DOK7: variants seen among roughly 807,000 people sequenced by gnomAD.
DOK7 encodes the protein docking protein 7.
DOK7 carries 32 observed loss-of-function variants against 30.7 expected under a neutral mutation model. The observed-to-expected ratio is 1.04, with a 90% CI of 0.79 to 1.40. The LOEUF (loss-of-function observed/expected upper bound fraction) is 1.40. DOK7 is among the 40% of genes most tolerant of loss of function. DOK7 has a pLI of 0.00. For synonymous variants in DOK7, 447 were observed against 324.1 expected, an observed-to-expected ratio of 1.38 and a Z score of -4.07; for missense variants, 1,007 against 699.2, an observed-to-expected ratio of 1.44 and a Z score of -4.97.
intron 6 of DOK7, among the ~76,000 whole-genome samples, chr4:3,499,913 G>A (rs983380558): frequency 2.6e-5 from 4 of 152,112 alleles, no homozygotes; most frequent in African/African-American, 9.6e-5. Context: ...TTGGGAAGGT[G>A]CGGGGCGAGG....
At chr4:3,491,272 TTCATTCCTTCCTCCGCCCCCCCGC>T (rs2109406371) in intron 6 of DOK7, among the ~76,000 whole-genome samples, 2 of 101,128 alleles carry the variant, frequency 2.0e-5, no homozygotes, top group South Asian at 7.8e-4. Flanking sequence ...CATTCCTTCA[TTCATTCCTTCCTCCGCCCCCCCGC>T]TCATTCATTC....
rs373003191 is a variant in DOK7 at position 3,489,868 on chromosome 4, A to G, written c.772+72A>G. ...CAGCAGGAGAGCTCAGGAGGCATCCATGCATGTGTGGGGGCTGCAGGCTCC... is the reference window on the plus strand; with the variant it reads ...CAGCAGGAGAGCTCAGGAGGCATCCGTGCATGTGTGGGGGCTGCAGGCTCC... On this transcript the variant is annotated intron_variant, in intron 6 of 6. Transcript: ENST00000340083. The G allele has an allele frequency of 1.1e-5, 17 of 1,533,870 alleles. No individual in the cohort carries two copies. The African/African-American group carries it at 2.1e-4, about 19-fold the overall frequency.
chr4:3,490,621 C>T (rs1174868835), intron 6 of DOK7, among the ~76,000 whole-genome samples: 3 of 103,686 alleles, frequency 2.9e-5, no homozygotes, highest in Admixed American at 9.4e-5. Context: ...CTCGTTCATT[C>T]CTTCCCTCTC....
intron 2 of DOK7, among the ~76,000 whole-genome samples, chr4:3,467,621 C>T (rs56298023): frequency 0.043 from 6,611 of 152,072 alleles, 217 homozygotes; most frequent in Non-Finnish European, 0.069. Flanking sequence ...AGCGTGTGCA[C>T]GTGTGAGCAA....
chr4:3,485,595 G>C lies in DOK7; in HGVS notation c.589G>C (p.Asp197His). ...AEGEQISFLFDCIVRGISPTK... is the reference protein window; with the variant it reads ...AEGEQISFLFHCIVRGISPTK... ...GGGGGAGCAGATCAGCTTCCTGTTCGACTGCATCGTCCGAGGCATCTCCCC... is the reference window on the plus strand; with the variant it reads ...GGGGGAGCAGATCAGCTTCCTGTTCCACTGCATCGTCCGAGGCATCTCCCC... The change falls in exon 5 of 7, where the codon GAC becomes CAC. Residue 197 changes from aspartate to histidine, a missense_variant. Transcript: ENST00000340083. 1 of 1,607,974 alleles carries C rather than the reference G, an allele frequency of 6.2e-7. No individual in the cohort carries two copies. Among genetic ancestry groups the C allele is most frequent in the Non-Finnish European group, 8.5e-7 (1 of 1,177,006 alleles).
chr4:3,481,377 C>A (rs1727433863), intron 4 of DOK7, among the ~76,000 whole-genome samples: 1 of 151,896 alleles, frequency 6.6e-6, no homozygotes. Context: ...GGATGGGAAC[C>A]CTGTGGATTG....
intron 4 of DOK7, among the ~76,000 whole-genome samples, chr4:3,482,774 C>T (rs1229123355): frequency 6.6e-6 from 1 of 152,228 alleles, no homozygotes; most frequent in Non-Finnish European, 1.5e-5. Flanking sequence ...CAGCCTCTCA[C>T]CTATGTCTTT....
At chr4:3,482,060 T>G (rs895404550) in intron 4 of DOK7, among the ~76,000 whole-genome samples, 1 of 152,082 alleles carries the variant, frequency 6.6e-6, no homozygotes, top group Non-Finnish European at 1.5e-5. Flanking sequence ...CTCTTTCCTC[T>G]TACCCTCACG....
chr4:3,486,006 A>G (rs1469099165), intron 5 of DOK7, among the ~76,000 whole-genome samples: 1 of 151,942 alleles, frequency 6.6e-6, no homozygotes, highest in East Asian at 1.9e-4. Flanking sequence ...TTCCACGCCC[A>G]GGAGCAGGGA....
At position 3,490,606 on chromosome 4, in the gene DOK7, C is replaced by CCCTGCTCGTTCATTCCTTCCCTCTCCG. The variant is rs1207594034; in HGVS notation, c.772+825_772+851dup. Among the ~76,000 whole-genome samples the CCCTGCTCGTTCATTCCTTCCCTCTCCG allele has an allele frequency of 1.0e-4, 7 of 68,156 alleles. 1 individual carries two copies. Among genetic ancestry groups the CCCTGCTCGTTCATTCCTTCCCTCTCCG allele is most frequent in the Non-Finnish European group, 1.9e-4 (7 of 36,938 alleles). 44.7% of individuals were successfully genotyped at this position (68,156 alleles called of 152,430 possible). A position where few individuals can be genotyped will look rare whatever the true frequency, so the allele number is the denominator to read the frequency against. ...CTGCTCATTCCTTCATTTCTTCTCT[C>CCCTGCTCGTTCATTCCTTCCCTCTCCG]CCTGCTCGTTCATTCCTTCCCTCTC... On this transcript the variant is annotated intron_variant, in intron 6 of 6. Transcript: ENST00000340083.
chr4:3,468,576 G>A lies in DOK7; in HGVS notation c.101-4830G>A, dbSNP rs557713503. On this transcript the variant is annotated intron_variant, in intron 2 of 6. Transcript: ENST00000340083. ...CCTGTGTGAGCATGTATGAATGTGT[G>A]TGCTTGTCTGAGTGTGCGTGTATTG... Among the ~76,000 whole-genome samples the A allele has an allele frequency of 3.2e-4, 49 of 151,534 alleles. 1 individual carries two copies. The South Asian group carries it at 0.01, about 32-fold the overall frequency.
At chr4:3,468,889 G>A (rs904656917) in intron 2 of DOK7, among the ~76,000 whole-genome samples, 4 of 147,236 alleles carry the variant, frequency 2.7e-5, no homozygotes, top group East Asian at 2.0e-4. Context: ...GAGTGTGCCT[G>A]TGTATGTGTG....
chr4:3,476,692 T>C, intron 4 of DOK7, 150 bp downstream of exon 4: 1 of 1,041,132 alleles, frequency 9.6e-7, no homozygotes, highest in Non-Finnish European at 1.4e-6. Flanking sequence ...CTCCCCACGC[T>C]CGATGTCCAA....
intron 2 of DOK7, among the ~76,000 whole-genome samples, chr4:3,467,880 A>G (rs1407812451): frequency 6.6e-6 from 1 of 152,044 alleles, no homozygotes; most frequent in Admixed American, 6.6e-5. Flanking sequence ...CTGTCCTTAT[A>G]TGGTGTAGGG....
intron 6 of DOK7, among the ~76,000 whole-genome samples, chr4:3,490,555 T>C (rs1472881128): frequency 3.2e-5 from 3 of 94,114 alleles, no homozygotes; most frequent in African/African-American, 4.8e-5. Context: ...CTTCTCCCCC[T>C]GCTCATTCGT....
At chr4:3,489,521 C>T (rs1728033605) in intron 5 of DOK7, among the ~76,000 whole-genome samples, 156 bp from the exon 6 acceptor site, 1 of 152,106 alleles carries the variant, frequency 6.6e-6, no homozygotes, top group Non-Finnish European at 1.5e-5. Context: ...GTTTGAGGGC[C>T]AGCCTCTGGG....
At chr4:3,480,326 G>A (rs985932042) in intron 4 of DOK7, among the ~76,000 whole-genome samples, 1 of 152,164 alleles carries the variant, frequency 6.6e-6, no homozygotes, top group Non-Finnish European at 1.5e-5. Flanking sequence ...TTAAGAATGT[G>A]GCCAGGCACA....
rs1560225824 is a variant in DOK7, at chr4:3,490,129, CTG to C, written c.772+334_772+335del. ...TCACCCCCATTCATTCCTTTTCTCC[CTG>C]CTCATTCATTCCTTCCTTCCCCACC... On this transcript the variant is annotated intron_variant, in intron 6 of 6. Coordinates refer to ENST00000340083, the MANE Select transcript of DOK7 (RefSeq NM_173660.5). Among the ~76,000 whole-genome samples, 89 of 128,246 alleles carry C rather than the reference CTG, an allele frequency of 6.9e-4. 5 individuals carry two copies. Among genetic ancestry groups the C allele is most frequent in the East Asian group, 6.4e-3 (23 of 3,608 alleles). 84.1% of individuals were successfully genotyped at this position (128,246 alleles called of 152,430 possible).
intron 6 of DOK7, among the ~76,000 whole-genome samples, chr4:3,491,287 GCCCC>G (rs1223159261): frequency 4.9e-3 from 295 of 60,386 alleles, no homozygotes; most frequent in African/African-American, 0.019. Context: ...TCCTTCCTCC[GCCCC>G]CCCGCTCATT....
Sources: allele counts gnomAD v4.1 joint callset (sites outside exome capture counted in the v4.1 genomes callset), GRCh38; gene constraint gnomAD v4.1.1; transcripts MANE v1.5; gene names NCBI Gene and HGNC (gene_info 2026-07-23, HGNC 2026-07-21).